CSMD1: variants seen among roughly 807,000 people sequenced by gnomAD.
CSMD1 encodes the protein CUB and Sushi multiple domains 1.
A neutral mutation model predicts 417.5 loss-of-function variants in CSMD1; 213 were observed. The observed-to-expected ratio is 0.51, with a 90% confidence interval of 0.46 to 0.57. The LOEUF (loss-of-function observed/expected upper bound fraction) is 0.57. Ranked by LOEUF, CSMD1 falls within the 20% of genes least tolerant of loss-of-function variation. The probability of loss-of-function intolerance (pLI) is 0.00; values close to 1 mark genes in which losing one functional copy is unlikely to be tolerated. For missense variants in CSMD1, 6,923 were observed against 4,529.7 expected, an observed-to-expected ratio of 1.53 and a Z score of -15.17; for synonymous variants, 2,862 against 1,736.8, an observed-to-expected ratio of 1.65 and a Z score of -16.11.
chr8:4,684,202 C>A (rs931181793), intron 1 of CSMD1, among the ~76,000 whole-genome samples: 5 of 152,214 alleles, frequency 3.3e-5, no homozygotes, highest in African/African-American at 1.2e-4. Flanking sequence ...TGAATAAGGA[C>A]ACGAGAAGTT....
intron 5 of CSMD1, among the ~76,000 whole-genome samples, chr8:3,917,882 C>T (rs923098315): frequency 6.6e-6 from 1 of 152,082 alleles, no homozygotes; most frequent in Admixed American, 6.6e-5. Flanking sequence ...TAAAATTTTA[C>T]TTAAATTTTA....
At chr8:3,441,802 A>G (rs190080294) in intron 12 of CSMD1, among the ~76,000 whole-genome samples, 49 of 151,940 alleles carry the variant, frequency 3.2e-4, no homozygotes, top group African/African-American at 9.7e-4. Flanking sequence ...TTACTATGCT[A>G]TACTATCCAT....
intron 1 of CSMD1, among the ~76,000 whole-genome samples, chr8:4,918,197 G>C (rs374762916): frequency 1.3e-5 from 2 of 152,136 alleles, no homozygotes; most frequent in African/African-American, 4.8e-5. Context: ...AAATCATTAC[G>C]AAGGGGATGA....
chr8:4,840,088 G>A (rs1189714777), intron 1 of CSMD1, among the ~76,000 whole-genome samples: 1 of 94,270 alleles, frequency 1.1e-5, no homozygotes, highest in Non-Finnish European at 2.4e-5. Flanking sequence ...CTTGGGAAGA[G>A]CCTACCTGTC....
rs868153452 is a variant in CSMD1 at position 4,145,367 on chromosome 8, G to A, written c.416-113268C>T. Reference sequence around the variant, plus strand: ...ATATGTCAGAAAGATCTGGAAAAATGTCCCAAACATTATATACTATAGTCT... The same window carrying A: ...ATATGTCAGAAAGATCTGGAAAAATATCCCAAACATTATATACTATAGTCT... On this transcript the variant is annotated intron_variant, in intron 3 of 69. Coordinates refer to ENST00000635120, the MANE Select transcript of CSMD1 (RefSeq NM_033225.6). 9.3e-5 allele frequency among the ~76,000 whole-genome samples: 14 copies of A among 150,962 alleles called. 1 individual carries two copies. The highest frequency in any genetic ancestry group is 3.0e-4 in the African/African-American group (12 of 40,320).
chr8:4,653,031 A>G (rs1804007944), intron 1 of CSMD1, among the ~76,000 whole-genome samples: 1 of 151,986 alleles, frequency 6.6e-6, no homozygotes, highest in Non-Finnish European at 1.5e-5. Context: ...CAGGCCACAG[A>G]TAGGTACCTG....
At chr8:4,834,791 C>G (rs1369691013) in intron 1 of CSMD1, among the ~76,000 whole-genome samples, 1 of 151,150 alleles carries the variant, frequency 6.6e-6, no homozygotes, top group Non-Finnish European at 1.5e-5. Context: ...CCCGTCTCTA[C>G]TAAAAACACA....
At chr8:3,875,977 G>C (rs1329087282) in intron 5 of CSMD1, among the ~76,000 whole-genome samples, 1 of 150,620 alleles carries the variant, frequency 6.6e-6, no homozygotes, top group Non-Finnish European at 1.5e-5. Flanking sequence ...AAATTGCGAA[G>C]GGCCACATGT....
chr8:3,992,553 CCAG>C (rs1438476582), intron 5 of CSMD1, among the ~76,000 whole-genome samples: 1 of 152,148 alleles, frequency 6.6e-6, no homozygotes, highest in Non-Finnish European at 1.5e-5. Flanking sequence ...GGAGGCTGAG[CCAG>C]CAGAATTCCT....
chr8:4,149,563 G>C (rs1038897822), intron 3 of CSMD1, among the ~76,000 whole-genome samples: 1 of 152,146 alleles, frequency 6.6e-6, no homozygotes, highest in African/African-American at 2.4e-5. Flanking sequence ...TCTAAGTACA[G>C]ATCAAAATCC....
At chr8:3,111,246 G>C (rs907088234) in intron 42 of CSMD1, among the ~76,000 whole-genome samples, 1 of 152,274 alleles carries the variant, frequency 6.6e-6, no homozygotes, top group East Asian at 1.9e-4. Context: ...TAACAAATGA[G>C]AATATACCAT....
intron 7 of CSMD1, among the ~76,000 whole-genome samples, chr8:3,668,174 C>G (rs1299796840): frequency 6.6e-6 from 1 of 152,094 alleles, no homozygotes; most frequent in Non-Finnish European, 1.5e-5. Context: ...AGGGGCTGAC[C>G]TCTGAGATAT....
intron 3 of CSMD1, among the ~76,000 whole-genome samples, chr8:4,097,429 G>A (rs545614356): frequency 9.2e-5 from 14 of 152,264 alleles, no homozygotes; most frequent in South Asian, 8.3e-4. Context: ...ATACATATAC[G>A]CTAAATAAAG....
intron 46 of CSMD1, among the ~76,000 whole-genome samples, chr8:3,101,108 C>G (rs905115296): frequency 6.7e-6 from 1 of 150,358 alleles, no homozygotes; most frequent in South Asian, 2.1e-4. Flanking sequence ...ATTGAAGGAT[C>G]CCCCAAGGTC....
At chr8:4,186,707 C>T (rs554564575) in intron 3 of CSMD1, among the ~76,000 whole-genome samples, 19 of 151,770 alleles carry the variant, frequency 1.3e-4, no homozygotes, top group African/African-American at 2.2e-4. Flanking sequence ...TTTTTTTCAG[C>T]GGCGTACGGT....
intron 5 of CSMD1, among the ~76,000 whole-genome samples, chr8:3,830,336 T>C (rs1802304314): frequency 6.6e-6 from 1 of 152,224 alleles, no homozygotes; most frequent in Non-Finnish European, 1.5e-5. Context: ...GAATGATTGG[T>C]CGTTGGTTCA....
At chr8:4,677,726 T>C (rs1481829592) in intron 1 of CSMD1, among the ~76,000 whole-genome samples, 2 of 152,180 alleles carry the variant, frequency 1.3e-5, no homozygotes, top group East Asian at 1.9e-4. Context: ...ATTAGAGTTC[T>C]TGGCAGGCAA....
chr8:3,087,392 G>T, intron 48 of CSMD1, 107 bp from the exon 49 acceptor site: 1 of 1,161,132 alleles, frequency 8.6e-7, no homozygotes, highest in Non-Finnish European at 1.3e-6. Context: ...TTTCCAAAAG[G>T]TAGGAAATGA....
rs577438133 is a variant in CSMD1, at chr8:4,207,221, T to C, written c.416-175122A>G. The stretch of plus-strand genomic sequence containing the variant: ...TAGGAAATGAATGTGAAAAGTTGTA[T>C]AACATGCAAATATAGCCAGCATTCC... On this transcript the variant is annotated intron_variant, in intron 3 of 69. Coordinates refer to ENST00000635120, the MANE Select transcript of CSMD1 (RefSeq NM_033225.6). Among the ~76,000 whole-genome samples, 44 of 152,310 alleles carry C rather than the reference T, an allele frequency of 2.9e-4. No individual in the cohort carries two copies. In the South Asian group the frequency reaches 4.6e-3, roughly 16 times the overall value.
Sources: gnomAD v4.1 joint callset for allele counts (sites outside exome capture counted in the v4.1 genomes callset) on GRCh38, gnomAD v4.1.1 for gene constraint, MANE v1.5 for transcripts, NCBI Gene and HGNC (gene_info 2026-07-23, HGNC 2026-07-21) for gene names.